ASF1B: variants seen among roughly 807,000 people sequenced by gnomAD.
ASF1B encodes histone chaperone ASF1B.
In ASF1B, 10 loss-of-function variants were observed where a neutral mutation model predicts 16.6. The ratio of observed to expected loss-of-function variants is 0.60; its 90% CI spans 0.37 to 1.02. The LOEUF (loss-of-function observed/expected upper bound fraction) is 1.02, where lower values mean the gene tolerates loss of function less well. ASF1B is among the 50% of genes least tolerant of loss of function. ASF1B has a pLI of 0.01. For missense variants in ASF1B, 240 were observed against 266.0 expected (o/e 0.90, Z 0.68); for synonymous variants, 101 against 106.2 (o/e 0.95, Z 0.30).
chr19:14,136,380 A>T lies in ASF1B; in HGVS notation c.77T>A (p.Ile26Asn). ...CAGGGCTTCACTGCACTCGAAGCTG[A>T]TCTCGAACCGGAAGGGGCTGTGGAA... Reference protein sequence around the residue: ...SPFHSPFRFEISFECSEALAD... With the variant: ...SPFHSPFRFENSFECSEALAD... Residue 26 changes from isoleucine (I) to asparagine (N), a missense_variant, in exon 1 of 4, where the codon ATC (isoleucine) becomes AAC (asparagine). Physicochemically the swap from Ile to Asn is moderately radical, Grantham distance 149. Transcript: ENST00000263382. 1 of 1,613,404 alleles carries T rather than the reference A, an allele frequency of 6.2e-7. No homozygotes were observed.
intron 1 of ASF1B, among the ~76,000 whole-genome samples, chr19:14,129,616 G>T (rs2144516272): frequency 7.7e-6 from 1 of 130,598 alleles, no homozygotes; most frequent in South Asian, 2.7e-4. Flanking sequence ...AGGCAGCAGA[G>T]ATTGCAGTGA....
Position 14,120,336 on chromosome 19 carries a change from C to T in ASF1B, c.*123G>A. On this transcript the variant is annotated 3_prime_UTR_variant, in exon 4 of 4. Coordinates refer to ENST00000263382, the MANE Select transcript of ASF1B (RefSeq NM_018154.3). ...CCCAAGGCCTGTTCTTTCCTAGGGG[C>T]TGAGTTTGACAGACCTGGATTGCAG... The T allele has an allele frequency of 1.1e-6, 1 of 930,240 alleles. No individual in the cohort carries two copies. 57.6% of individuals were successfully genotyped at this position (930,240 alleles called of 1,614,324 possible).
At chr19:14,122,765 C>T (rs112648252) in intron 2 of ASF1B, among the ~76,000 whole-genome samples, 58 of 152,172 alleles carry the variant, frequency 3.8e-4, no homozygotes, top group Admixed American at 8.5e-4. Context: ...TGTGGTGAGC[C>T]GGGGGACAGT....
chr19:14,134,341 A>C (rs574369661), intron 1 of ASF1B, among the ~76,000 whole-genome samples: 1 of 152,196 alleles, frequency 6.6e-6, no homozygotes, highest in Admixed American at 6.5e-5. Flanking sequence ...TCCTTAATTT[A>C]AAAAGGAGCG....
chr19:14,123,337 C>G (rs1287434919), intron 2 of ASF1B, among the ~76,000 whole-genome samples: 1 of 151,260 alleles, frequency 6.6e-6, no homozygotes, highest in Non-Finnish European at 1.5e-5. Flanking sequence ...CCTGAAAAAT[C>G]ACCTGGAGAA....
rs79213679 is a variant in ASF1B at position 14,129,382 on chromosome 19, A to G, written c.110-3145T>C. Among the ~76,000 whole-genome samples, 597 of 152,290 alleles carry G rather than the reference A, an allele frequency of 3.9e-3. 3 individuals are homozygous for G. Among genetic ancestry groups the G allele is most frequent in the African/African-American group, 0.014 (574 of 41,558 alleles). On this transcript the variant is annotated intron_variant, in intron 1 of 3. Coordinates refer to ENST00000263382, the MANE Select transcript of ASF1B (RefSeq NM_018154.3). ...GGCTGTAGAGAAATACTGACTCAAG[A>G]GTTACAGAAGCTGGTTGGGCACGGC...
At chr19:14,132,724 C>A (rs949789828) in intron 1 of ASF1B, among the ~76,000 whole-genome samples, 3 of 151,970 alleles carry the variant, frequency 2.0e-5, no homozygotes, top group African/African-American at 4.8e-5. Context: ...ATACTGAGGC[C>A]GGAGAATCGC....
intron 2 of ASF1B, among the ~76,000 whole-genome samples, chr19:14,123,014 T>G (rs1020523853): frequency 6.6e-6 from 1 of 152,156 alleles, no homozygotes; most frequent in African/African-American, 2.4e-5. Context: ...AAGAACAGAT[T>G]CAGGGTGTAC....
At chr19:14,126,306 T>TA in intron 1 of ASF1B, 69 bp from the exon 2 acceptor site, 1 of 1,104,548 alleles carries the variant, frequency 9.1e-7, no homozygotes, top group South Asian at 1.3e-5. Context: ...TAGGCTCTTG[T>TA]ATTTTTTTTT....
intron 1 of ASF1B, among the ~76,000 whole-genome samples, chr19:14,133,849 G>A (rs1244002210): frequency 2.3e-5 from 3 of 132,674 alleles, no homozygotes; most frequent in African/African-American, 8.8e-5. Context: ...TGTCGCCCAG[G>A]CTGGAGTGCA....
At position 14,120,538 on chromosome 19, in the gene ASF1B, T is replaced by A; in HGVS notation, c.530A>T (p.Asn177Ile). ...DPSLGCGLPL[N>I]CTPIKGLGLP... ...CCCCAAGCCCTTGATAGGAGTGCAG[T>A]TGAGTGGGAGGCCGCAGCCCAGGGA... The change falls in exon 4 of 4, where the codon AAC (asparagine) becomes ATC (isoleucine). Residue 177 changes from asparagine (N) to isoleucine (I), a missense_variant. Physicochemically the swap from Asn to Ile is moderately radical, Grantham distance 149. Coordinates refer to ENST00000263382, the MANE Select transcript of ASF1B (RefSeq NM_018154.3). 1 of 1,613,452 alleles carries A rather than the reference T, an allele frequency of 6.2e-7. No individual in the cohort carries two copies. The highest frequency in any genetic ancestry group is 8.5e-7 in the Non-Finnish European group (1 of 1,179,662).
chr19:14,127,752 T>C (rs1006223325), intron 1 of ASF1B, among the ~76,000 whole-genome samples: 1 of 152,008 alleles, frequency 6.6e-6, no homozygotes, highest in Non-Finnish European at 1.5e-5. Flanking sequence ...TTCTCCTGCC[T>C]CAGCCTCCTG....
At chr19:14,120,923 C>T (rs781346880) in intron 3 of ASF1B, among the ~76,000 whole-genome samples, 3 of 152,054 alleles carry the variant, frequency 2.0e-5, no homozygotes, top group Non-Finnish European at 4.4e-5. Context: ...CGGGTTCAAG[C>T]GATTCTCTTG....
chr19:14,128,411 T>G (rs1967349484), intron 1 of ASF1B, among the ~76,000 whole-genome samples: 2 of 152,192 alleles, frequency 1.3e-5, no homozygotes, highest in Non-Finnish European at 2.9e-5. Flanking sequence ...GTCTGTAGGA[T>G]ACGGGTGACC....
chr19:14,120,312 C>T lies in ASF1B; in HGVS notation c.*147G>A. 1 of 729,910 alleles carries T rather than the reference C, an allele frequency of 1.4e-6. No homozygotes were observed. 45.2% of individuals were successfully genotyped at this position (729,910 alleles called of 1,614,324 possible). Reference sequence around the variant, plus strand: ...CCTTCTGGCCAGGACTAGGGGAGACCCAAGGCCTGTTCTTTCCTAGGGGCT... The same window carrying T: ...CCTTCTGGCCAGGACTAGGGGAGACTCAAGGCCTGTTCTTTCCTAGGGGCT... On this transcript the variant is annotated 3_prime_UTR_variant, in exon 4 of 4. Coordinates refer to ENST00000263382, the MANE Select transcript of ASF1B (RefSeq NM_018154.3).
At chr19:14,134,873 G>A (rs199567990) in intron 1 of ASF1B, among the ~76,000 whole-genome samples, 2 of 151,778 alleles carry the variant, frequency 1.3e-5, no homozygotes, top group African/African-American at 4.8e-5. Context: ...CCCAGACTAG[G>A]TCAGACCATC....
chr19:14,134,570 T>C (rs1297025090), intron 1 of ASF1B, among the ~76,000 whole-genome samples: 1 of 152,114 alleles, frequency 6.6e-6, no homozygotes, highest in Non-Finnish European at 1.5e-5. Flanking sequence ...AAAAATGGCC[T>C]AATGGAGTAC....
Position 14,136,511 on chromosome 19 carries a change from C to G in ASF1B, c.-55G>C. On this transcript the variant is annotated 5_prime_UTR_variant, in exon 1 of 4. Coordinates refer to ENST00000263382, the MANE Select transcript of ASF1B (RefSeq NM_018154.3). ...CAGGGGCTGTGGCTGTGGCGGAGGCCGCGCCTGGGTCCGGTGGGGTCAGTG... is the reference window on the plus strand; with the variant it reads ...CAGGGGCTGTGGCTGTGGCGGAGGCGGCGCCTGGGTCCGGTGGGGTCAGTG... 4.5e-6 allele frequency: 7 copies of G among 1,542,808 alleles called. No individual in the cohort carries two copies. The highest frequency in any genetic ancestry group is 6.2e-6 in the Non-Finnish European group (7 of 1,127,248).
At chr19:14,133,225 A>G (rs1425299562) in intron 1 of ASF1B, among the ~76,000 whole-genome samples, 1 of 152,158 alleles carries the variant, frequency 6.6e-6, no homozygotes, top group Non-Finnish European at 1.5e-5. Context: ...GGTCATTCCT[A>G]TCTATGCTCC....
Sources: gnomAD v4.1 joint callset for allele counts (sites outside exome capture counted in the v4.1 genomes callset) on GRCh38, gnomAD v4.1.1 for gene constraint, MANE v1.5 for transcripts, NCBI Gene and HGNC (gene_info 2026-07-23, HGNC 2026-07-21) for gene names.